Variants in CDH13 observed in about 807,000 individuals in gnomAD.
The protein encoded by CDH13 is cadherin-13.
A neutral mutation model predicts 63.8 loss-of-function variants in CDH13; 24 were observed. That is an observed-to-expected ratio of 0.38 (90% CI 0.27 to 0.53). CDH13 has a LOEUF of 0.53. Among genes scored for constraint, CDH13 ranks in the 20% least tolerant of loss-of-function variants. The probability of loss-of-function intolerance (pLI) is 0.85; values close to 1 mark genes in which losing one functional copy is unlikely to be tolerated. For synonymous variants in CDH13, 503 were observed against 355.3 expected (o/e 1.42, Z -4.67); for missense variants, 1,049 against 903.1 (o/e 1.16, Z -2.07).
chr16:83,016,443 C>G (rs1914803117), intron 2 of CDH13, among the ~76,000 whole-genome samples: 1 of 152,104 alleles, frequency 6.6e-6, no homozygotes, highest in South Asian at 2.1e-4. Context: ...CCAAGCCTAG[C>G]CAGAGATATG....
At chr16:82,730,814 C>G (rs991196159) in intron 1 of CDH13, among the ~76,000 whole-genome samples, 1 of 152,160 alleles carries the variant, frequency 6.6e-6, no homozygotes, top group African/African-American at 2.4e-5. Context: ...GCAGCCAGCT[C>G]AGTCCAGCCC....
rs114109858 is a variant in CDH13, at chr16:82,854,877, A to T, written c.46-3485A>T. Among the ~76,000 whole-genome samples the T allele has an allele frequency of 3.0e-3, 453 of 152,302 alleles. 4 individuals are homozygous for T. The highest frequency in any genetic ancestry group is 0.01 in the African/African-American group (434 of 41,580). On this transcript the variant is annotated intron_variant, in intron 1 of 13. Transcript: ENST00000567109. ...GAGACCATAATTATATTTAACAATT[A>T]TTGACTCCTTATCCTGTGTGGCACC... is the stretch of plus-strand genomic sequence containing the variant.
At chr16:82,901,324 CTGTGTGTGTGTGTG>C (rs61370328) in intron 2 of CDH13, among the ~76,000 whole-genome samples, 7 of 130,470 alleles carry the variant, frequency 5.4e-5, no homozygotes, top group South Asian at 5.4e-4. Context: ...TAGTATTCTC[CTGTGTGTGTGTGTG>C]TGTGTGTGTG....
At chr16:83,754,015 G>A (rs767676445) in intron 11 of CDH13, among the ~76,000 whole-genome samples, 25 of 152,004 alleles carry the variant, frequency 1.6e-4, no homozygotes, top group South Asian at 6.3e-4. Flanking sequence ...CATGCAGAGA[G>A]CCTAGGATGG....
chr16:83,420,202 G>A (rs1049926032), intron 6 of CDH13, among the ~76,000 whole-genome samples: 6 of 152,210 alleles, frequency 3.9e-5, no homozygotes, highest in Middle Eastern at 6.8e-3. Flanking sequence ...GAACTAAATC[G>A]AGCTGTCACA....
At chr16:82,676,885 T>C (rs1195256426) in intron 1 of CDH13, among the ~76,000 whole-genome samples, 2 of 150,298 alleles carry the variant, frequency 1.3e-5, no homozygotes, top group African/African-American at 5.0e-5. Flanking sequence ...TGTTTTGTTT[T>C]GTTTTGTTTT....
chr16:83,013,691 C>T (rs1234040487), intron 2 of CDH13, among the ~76,000 whole-genome samples: 1 of 152,184 alleles, frequency 6.6e-6, no homozygotes, highest in Non-Finnish European at 1.5e-5. Flanking sequence ...GACATAGAGA[C>T]AATCTGACAG....
At chr16:83,301,021 TGG>T (rs1174815360) in intron 5 of CDH13, among the ~76,000 whole-genome samples, 1 of 111,866 alleles carries the variant, frequency 8.9e-6, no homozygotes, top group African/African-American at 3.3e-5. Flanking sequence ...TATAACTTTC[TGG>T]GGTTTTTTTT....
chr16:83,369,988 C>T (rs1490784128), intron 6 of CDH13, among the ~76,000 whole-genome samples: 1 of 152,258 alleles, frequency 6.6e-6, no homozygotes, highest in African/African-American at 2.4e-5. Flanking sequence ...TTTGAAAACA[C>T]AGTTGATGCC....
chr16:83,781,235 A>T (rs531812718), intron 12 of CDH13, among the ~76,000 whole-genome samples: 10 of 152,338 alleles, frequency 6.6e-5, no homozygotes, highest in Middle Eastern at 3.4e-3. Flanking sequence ...ATTAATATGG[A>T]GTATCCCTAT....
At chr16:83,296,672 C>T (rs903250286) in intron 5 of CDH13, among the ~76,000 whole-genome samples, 1 of 152,162 alleles carries the variant, frequency 6.6e-6, no homozygotes, top group Non-Finnish European at 1.5e-5. Flanking sequence ...CTAGATGGGA[C>T]ACAGAGTTTT....
At chr16:82,954,005 C>G (rs970179926) in intron 2 of CDH13, 2 of 152,162 alleles carry the variant, frequency 1.3e-5, no homozygotes, top group Non-Finnish European at 2.9e-5. Flanking sequence ...CAGAAGCAGA[C>G]TCAGACATTT....
At chr16:82,919,043 T>C (rs185296016) in intron 2 of CDH13, among the ~76,000 whole-genome samples, 1 of 152,252 alleles carries the variant, frequency 6.6e-6, no homozygotes. Flanking sequence ...ATACAAGTAA[T>C]GTTCCTTAGT....
At chr16:83,600,071 A>G (rs1271342567) in intron 7 of CDH13, among the ~76,000 whole-genome samples, 4 of 152,204 alleles carry the variant, frequency 2.6e-5, no homozygotes, top group Admixed American at 2.6e-4. Flanking sequence ...ATGGGATTTC[A>G]AGCATCTATA....
At chr16:83,169,817 G>T (rs376039361) in intron 4 of CDH13, among the ~76,000 whole-genome samples, 2 of 151,742 alleles carry the variant, frequency 1.3e-5, no homozygotes, top group African/African-American at 2.4e-5. Context: ...TTCCTTATGC[G>T]TATTCTCTTG....
At chr16:83,039,003 A>T (rs1917107348) in intron 3 of CDH13, among the ~76,000 whole-genome samples, 2 of 152,212 alleles carry the variant, frequency 1.3e-5, no homozygotes, top group African/African-American at 4.8e-5. Flanking sequence ...CTGTACCTCC[A>T]GGCTTCGTCT....
intron 1 of CDH13, among the ~76,000 whole-genome samples, chr16:82,845,327 C>A (rs749169452): frequency 2.6e-5 from 4 of 152,192 alleles, no homozygotes; most frequent in Non-Finnish European, 5.9e-5. Context: ...ACTCCCCCTC[C>A]TTTCCCATCT....
chr16:83,118,296 C>A (rs910621805), intron 3 of CDH13, among the ~76,000 whole-genome samples: 1 of 152,162 alleles, frequency 6.6e-6, no homozygotes, highest in Non-Finnish European at 1.5e-5. Flanking sequence ...AGTGCGAAGA[C>A]GTGTGGCATA....
chr16:83,694,871 T>A (rs1161233785), intron 10 of CDH13, among the ~76,000 whole-genome samples: 1 of 152,080 alleles, frequency 6.6e-6, no homozygotes, highest in Non-Finnish European at 1.5e-5. Flanking sequence ...AACTCAATCA[T>A]CCAGATAGAT....
Sources: allele counts gnomAD v4.1 joint callset (sites outside exome capture counted in the v4.1 genomes callset), GRCh38; gene constraint gnomAD v4.1.1; transcripts MANE v1.5; gene names NCBI Gene and HGNC (gene_info 2026-07-23, HGNC 2026-07-21).